TMEM132C: variants seen among roughly 807,000 people sequenced by gnomAD.
TMEM132C encodes the protein transmembrane protein 132C, also known as protein phosphatase 1, regulatory subunit 152.
TMEM132C carries 29 observed loss-of-function variants against 61.4 expected under a neutral mutation model. The observed-to-expected ratio is 0.47, with a 90% CI of 0.35 to 0.64. The LOEUF (loss-of-function observed/expected upper bound fraction) is 0.64. Ranked by LOEUF, TMEM132C falls within the 30% of genes least tolerant of loss-of-function variation. The pLI, the probability that TMEM132C is intolerant of heterozygous loss-of-function variation, is 0.00. For missense variants in TMEM132C, 1,408 were observed against 1,476.9 expected, an observed-to-expected ratio of 0.95 and a Z score of 0.76; for synonymous variants, 656 against 633.1, an observed-to-expected ratio of 1.04 and a Z score of -0.54.
intron 3 of TMEM132C, among the ~76,000 whole-genome samples, chr12:128,598,723 C>T (rs1197109986): frequency 2.6e-5 from 4 of 152,148 alleles, no homozygotes; most frequent in African/African-American, 9.7e-5. Flanking sequence ...AACCCTCTAA[C>T]CCCCTGGGTT....
intron 1 of TMEM132C, among the ~76,000 whole-genome samples, chr12:128,274,502 C>T (rs967095876): frequency 1.3e-5 from 2 of 152,170 alleles, no homozygotes; most frequent in African/African-American, 4.8e-5. Context: ...GCAACAGAAA[C>T]ATCTTAATAC....
intron 3 of TMEM132C, among the ~76,000 whole-genome samples, chr12:128,592,763 C>T (rs1875801620): frequency 6.6e-6 from 1 of 152,232 alleles, no homozygotes; most frequent in Admixed American, 6.5e-5. Context: ...CCCCAGGCTC[C>T]CAGATTCCCT....
chr12:128,389,337 T>C (rs1409821920), intron 1 of TMEM132C, among the ~76,000 whole-genome samples: 2 of 152,100 alleles, frequency 1.3e-5, no homozygotes, highest in African/African-American at 4.8e-5. Context: ...GGAGGAGCCA[T>C]GAAGACAGTG....
At chr12:128,523,711 CTGAT>C (rs2136129511) in intron 2 of TMEM132C, among the ~76,000 whole-genome samples, 2 of 150,406 alleles carry the variant, frequency 1.3e-5, no homozygotes, top group African/African-American at 4.9e-5. Context: ...AACAAAACCT[CTGAT>C]TGAGCCTGGC....
intron 1 of TMEM132C, among the ~76,000 whole-genome samples, chr12:128,407,811 T>C (rs542766594): frequency 6.6e-6 from 1 of 152,292 alleles, no homozygotes; most frequent in South Asian, 2.1e-4. Flanking sequence ...TGACTCCACC[T>C]CTTGATGGGA....
chr12:128,481,033 T>C (rs1323487527), intron 2 of TMEM132C, among the ~76,000 whole-genome samples: 4 of 152,168 alleles, frequency 2.6e-5, no homozygotes, highest in African/African-American at 9.6e-5. Context: ...AGGTGATTAA[T>C]GAATGTGAAC....
chr12:128,697,598 A>G (rs1954775648), intron 8 of TMEM132C, among the ~76,000 whole-genome samples, 183 bp downstream of exon 8: 1 of 152,228 alleles, frequency 6.6e-6, no homozygotes, highest in East Asian at 1.9e-4. Context: ...AACACAGACC[A>G]TTTACCAGCC....
At chr12:128,538,252 C>T (rs918218169) in intron 2 of TMEM132C, among the ~76,000 whole-genome samples, 1 of 152,110 alleles carries the variant, frequency 6.6e-6, no homozygotes, top group Non-Finnish European at 1.5e-5. Context: ...TCCCAAGTAG[C>T]TGGGATTACA....
intron 4 of TMEM132C, among the ~76,000 whole-genome samples, chr12:128,654,557 A>G (rs1954305103): frequency 6.6e-6 from 1 of 152,206 alleles, no homozygotes; most frequent in Non-Finnish European, 1.5e-5. Flanking sequence ...CTATGTATAC[A>G]ATAGTGCATT....
At chr12:128,562,592 C>T (rs1874562347) in intron 3 of TMEM132C, among the ~76,000 whole-genome samples, 1 of 152,180 alleles carries the variant, frequency 6.6e-6, no homozygotes, top group Non-Finnish European at 1.5e-5. Context: ...TAGAAGGAAG[C>T]ACTGCAGCTT....
At chr12:128,587,733 GATTTTAT>G (rs1037291857) in intron 3 of TMEM132C, among the ~76,000 whole-genome samples, 1 of 152,148 alleles carries the variant, frequency 6.6e-6, no homozygotes, top group Admixed American at 6.5e-5. Context: ...TCACTTTATT[GATTTTAT>G]ATTGGCAAGG....
At chr12:128,400,873 T>C (rs1875133535) in intron 1 of TMEM132C, among the ~76,000 whole-genome samples, 1 of 151,840 alleles carries the variant, frequency 6.6e-6, no homozygotes, top group Admixed American at 6.5e-5. Flanking sequence ...CCTCCCAAAG[T>C]GCTGATATTA....
intron 5 of TMEM132C, among the ~76,000 whole-genome samples, chr12:128,679,681 T>C (rs1198116839): frequency 6.6e-6 from 1 of 152,214 alleles, no homozygotes; most frequent in Non-Finnish European, 1.5e-5. Context: ...TCTTCACGGA[T>C]ATTTATTGAG....
intron 2 of TMEM132C, among the ~76,000 whole-genome samples, chr12:128,488,340 T>C (rs938849758): frequency 1.3e-5 from 2 of 152,246 alleles, no homozygotes; most frequent in Admixed American, 1.3e-4. Context: ...ATTAACATTA[T>C]GCATATAATA....
chr12:128,458,596 G>A (rs2136065842), intron 2 of TMEM132C, among the ~76,000 whole-genome samples: 1 of 152,172 alleles, frequency 6.6e-6, no homozygotes, highest in South Asian at 2.1e-4. Flanking sequence ...GAGGAGAAAT[G>A]GGACAGGAAG....
intron 2 of TMEM132C, among the ~76,000 whole-genome samples, chr12:128,534,538 G>A (rs947393576): frequency 1.4e-4 from 22 of 152,364 alleles, no homozygotes; most frequent in African/African-American, 5.0e-4. Context: ...AGCAGGGCTG[G>A]AAGCTCCTCC....
intron 2 of TMEM132C, among the ~76,000 whole-genome samples, chr12:128,543,465 C>A (rs901165908): frequency 1.3e-5 from 2 of 152,032 alleles, no homozygotes; most frequent in Non-Finnish European, 2.9e-5. Context: ...CACTGTGGGC[C>A]CAGTGGCTCT....
At chr12:128,663,518 C>T (rs1162829008) in intron 4 of TMEM132C, among the ~76,000 whole-genome samples, 3 of 152,182 alleles carry the variant, frequency 2.0e-5, no homozygotes, top group Non-Finnish European at 4.4e-5. Flanking sequence ...CGAGGTGGGG[C>T]GTTTTACACC....
At chr12:128,413,996 G>A (rs1454725522) in intron 1 of TMEM132C, among the ~76,000 whole-genome samples, 1 of 152,112 alleles carries the variant, frequency 6.6e-6, no homozygotes, top group Non-Finnish European at 1.5e-5. Context: ...GATTTATATT[G>A]CTGATCCATT....
Sources: gnomAD v4.1 joint callset for allele counts (sites outside exome capture counted in the v4.1 genomes callset) on GRCh38, gnomAD v4.1.1 for gene constraint, MANE v1.5 for transcripts, NCBI Gene and HGNC (gene_info 2026-07-23, HGNC 2026-07-21) for gene names.